The following DSCAM variants were observed in gnomAD, a reference collection of about 807,000 sequenced individuals.
DSCAM encodes the protein cell adhesion molecule DSCAM.
A neutral mutation model predicts 217.7 loss-of-function variants in DSCAM; 47 were observed. That is an observed-to-expected ratio of 0.22 (90% CI 0.17 to 0.28). The LOEUF (loss-of-function observed/expected upper bound fraction) is 0.28. Ranked by LOEUF, DSCAM falls within the 10% of genes least tolerant of loss-of-function variation. DSCAM has a pLI of 1.00. For synonymous variants in DSCAM, 1,056 were observed against 1,015.3 expected (o/e 1.04, Z -0.76); for missense variants, 2,080 against 2,618.3 (o/e 0.79, Z 4.49).
At chr21:40,044,015 G>A in intron 31 of DSCAM, 63 bp downstream of exon 31, 2 of 1,562,824 alleles carry the variant, frequency 1.3e-6, no homozygotes, top group South Asian at 2.2e-5. Context: ...AGGAGCCCAT[G>A]AAGCTCAAGG....
At chr21:40,598,240 T>C (rs1269910944) in intron 3 of DSCAM, among the ~76,000 whole-genome samples, 1 of 152,176 alleles carries the variant, frequency 6.6e-6, no homozygotes, top group East Asian at 1.9e-4. Context: ...TGTGTGGCTG[T>C]ATGCATTTAA....
At chr21:40,079,197 T>C (rs1049524807) in intron 25 of DSCAM, among the ~76,000 whole-genome samples, 1 of 152,158 alleles carries the variant, frequency 6.6e-6, no homozygotes, top group Admixed American at 6.5e-5. Context: ...GAAAATTGCA[T>C]GGGTGGAGGT....
At chr21:40,379,159 G>A (rs1878676045) in intron 3 of DSCAM, among the ~76,000 whole-genome samples, 1 of 152,214 alleles carries the variant, frequency 6.6e-6, no homozygotes. Flanking sequence ...AATGTTAACT[G>A]TGGTTGCCTC....
At chr21:40,451,976 G>A (rs2075723334) in intron 3 of DSCAM, among the ~76,000 whole-genome samples, 1 of 152,164 alleles carries the variant, frequency 6.6e-6, no homozygotes, top group South Asian at 2.1e-4. Context: ...TCCCTCAACA[G>A]TCAGCGCTAC....
At chr21:40,679,753 G>C (rs1382267387) in intron 3 of DSCAM, among the ~76,000 whole-genome samples, 1 of 152,124 alleles carries the variant, frequency 6.6e-6, no homozygotes, top group African/African-American at 2.4e-5. Context: ...AATAAGTAAA[G>C]AGTTGTTTAT....
At chr21:40,543,972 CT>C (rs760594840) in intron 3 of DSCAM, among the ~76,000 whole-genome samples, 4 of 152,106 alleles carry the variant, frequency 2.6e-5, no homozygotes, top group Non-Finnish European at 4.4e-5. Flanking sequence ...CAAAAGCTAA[CT>C]TTTTAACTTT....
intron 3 of DSCAM, among the ~76,000 whole-genome samples, chr21:40,486,381 G>A (rs2076028525): frequency 1.3e-5 from 2 of 151,998 alleles, no homozygotes; most frequent in South Asian, 4.2e-4. Context: ...ACCAACCATT[G>A]TAAACTCAGA....
intron 22 of DSCAM, among the ~76,000 whole-genome samples, chr21:40,086,284 C>T (rs989093273): frequency 2.6e-5 from 4 of 152,192 alleles, no homozygotes; most frequent in Non-Finnish European, 4.4e-5. Context: ...AACTGCGTGG[C>T]CATCATAACC....
chr21:40,031,636 A>C (rs2088526770), intron 32 of DSCAM, among the ~76,000 whole-genome samples: 1 of 152,166 alleles, frequency 6.6e-6, no homozygotes, highest in Non-Finnish European at 1.5e-5. Flanking sequence ...ACCTACACAC[A>C]CAAACACGCA....
At chr21:40,714,197 A>T in intron 1 of DSCAM, among the ~76,000 whole-genome samples, 1 of 152,124 alleles carries the variant, frequency 6.6e-6, no homozygotes, top group Non-Finnish European at 1.5e-5. Context: ...CGGTGCTGAG[A>T]CGAATTAATG....
At chr21:40,349,557 G>C (rs1279378193) in intron 5 of DSCAM, among the ~76,000 whole-genome samples, 2 of 152,188 alleles carry the variant, frequency 1.3e-5, no homozygotes, top group African/African-American at 4.8e-5. Context: ...CAGCTAGCTT[G>C]TGCTATAAAA....
At chr21:40,059,282 CATT>C (rs1242885535) in intron 28 of DSCAM, among the ~76,000 whole-genome samples, 1 of 152,218 alleles carries the variant, frequency 6.6e-6, no homozygotes, top group East Asian at 1.9e-4. Context: ...GGACCTTAAA[CATT>C]ATATGTTAGC....
intron 3 of DSCAM, among the ~76,000 whole-genome samples, chr21:40,559,954 C>T (rs972449955): frequency 1.3e-5 from 2 of 152,010 alleles, no homozygotes; most frequent in East Asian, 2.0e-4. Flanking sequence ...CTACCATGCC[C>T]GGCTAATTTT....
At chr21:40,409,532 G>A (rs1379201423) in intron 3 of DSCAM, among the ~76,000 whole-genome samples, 2 of 152,166 alleles carry the variant, frequency 1.3e-5, no homozygotes, top group Non-Finnish European at 2.9e-5. Flanking sequence ...GTGAGAGGTG[G>A]ACAGATCCTG....
At chr21:40,219,824 A>C (rs2146901005) in intron 11 of DSCAM, among the ~76,000 whole-genome samples, 2 of 152,358 alleles carry the variant, frequency 1.3e-5, no homozygotes, top group East Asian at 1.9e-4. Flanking sequence ...TACTTCATAA[A>C]TGTTTGTAAA....
intron 3 of DSCAM, among the ~76,000 whole-genome samples, chr21:40,500,815 C>T (rs527656502): frequency 2.0e-5 from 3 of 152,336 alleles, no homozygotes; most frequent in African/African-American, 7.2e-5. Context: ...GCCCTATAGT[C>T]TCCTGCTGAT....
chr21:40,070,613 G>T (rs1022639642), intron 27 of DSCAM, among the ~76,000 whole-genome samples: 4 of 152,110 alleles, frequency 2.6e-5, no homozygotes, highest in African/African-American at 9.7e-5. Flanking sequence ...TTAGTGCTGG[G>T]GCATCTATTG....
intron 3 of DSCAM, among the ~76,000 whole-genome samples, chr21:40,650,296 G>C (rs1374878196): frequency 1.3e-5 from 2 of 152,212 alleles, no homozygotes; most frequent in African/African-American, 2.4e-5. Flanking sequence ...TAAGTGGTTA[G>C]ACAAGGTAGT....
At chr21:40,076,007 T>C (rs1221878247) in intron 26 of DSCAM, among the ~76,000 whole-genome samples, 1 of 152,208 alleles carries the variant, frequency 6.6e-6, no homozygotes, top group African/African-American at 2.4e-5. Flanking sequence ...CCCTCCATTA[T>C]ATAAGATGCT....
Sources: allele counts gnomAD v4.1 joint callset (sites outside exome capture counted in the v4.1 genomes callset), GRCh38; gene constraint gnomAD v4.1.1; transcripts MANE v1.5; gene names NCBI Gene and HGNC (gene_info 2026-07-23, HGNC 2026-07-21).